SPTB: variants seen among roughly 807,000 people sequenced by gnomAD.
The protein encoded by SPTB is spectrin beta chain, erythrocytic.
SPTB carries 45 observed loss-of-function variants against 256.2 expected under a neutral mutation model. The ratio of observed to expected loss-of-function variants is 0.18; its 90% CI spans 0.14 to 0.23. SPTB has a LOEUF of 0.23. Among genes scored for constraint, SPTB ranks in the 10% least tolerant of loss-of-function variants. The pLI, the probability that SPTB is intolerant of heterozygous loss-of-function variation, is 1.00. For missense variants in SPTB, 2,715 were observed against 3,040.4 expected, an observed-to-expected ratio of 0.89 and a Z score of 2.52; for synonymous variants, 1,231 against 1,243.1, an observed-to-expected ratio of 0.99 and a Z score of 0.21.
At chr14:64,840,017 A>T (rs1236772687) in intron 1 of SPTB, among the ~76,000 whole-genome samples, 1 of 152,222 alleles carries the variant, frequency 6.6e-6, no homozygotes, top group Non-Finnish European at 1.5e-5. Flanking sequence ...ATCTCCTGCA[A>T]TTTCTCCCTG....
intron 29 of SPTB, among the ~76,000 whole-genome samples, chr14:64,768,689 T>C (rs1206492633): frequency 2.9e-5 from 3 of 104,116 alleles, no homozygotes; most frequent in Non-Finnish European, 4.4e-5. Flanking sequence ...CCTCAACCCC[T>C]CCCCCAGGCC....
At position 64,749,234 on chromosome 14, in the gene SPTB, G is replaced by A. The variant is rs1181088125; in HGVS notation, c.*72C>T. ...CTCGATTCGACCGGCGGGCGGCGGC[G>A]AGAGGAGGCCAAGGCCTGGGCTGCC... On this transcript the variant is annotated 3_prime_UTR_variant, in exon 36 of 36. Coordinates refer to ENST00000644917, the MANE Select transcript of SPTB (RefSeq NM_001355436.2). The surrounding 1 kb of genome is among the most constrained non-coding windows in gnomAD (Gnocchi z 4.7). The A allele has an allele frequency of 5.3e-6, 8 of 1,514,900 alleles. No individual in the cohort carries two copies. The highest frequency in any genetic ancestry group is 2.5e-5 in the East Asian group (1 of 40,458). 93.8% of individuals were successfully genotyped at this position (1,514,900 alleles called of 1,614,324 possible).
chr14:64,773,363 C>T lies in SPTB; in HGVS notation c.5035G>A (p.Ala1679Thr). The T allele has an allele frequency of 6.2e-7, 1 of 1,614,208 alleles. No individual in the cohort carries two copies. The highest frequency in any genetic ancestry group is 8.5e-7 in the Non-Finnish European group (1 of 1,180,038). The stretch of plus-strand genomic sequence containing the variant: ...TCCAGCTTGCGCTTGCGCTCTTCCG[C>T]CACGTCCTTCAGCCCTGCGTAGTGC... Reference protein sequence around the residue: ...DKHYAGLKDVAEERKRKLENM... With the variant: ...DKHYAGLKDVTEERKRKLENM... Residue 1679 changes from alanine (A) to threonine (T), a missense_variant, in exon 25 of 36, where the codon GCG becomes ACG. Around this residue, in one of 4 missense-constraint regions of SPTB, gnomAD observed 2,239 missense variants for 2,384.4 expected, o/e 0.94. Transcript: ENST00000644917.
In SPTB at chr14:64,825,458, G is replaced by A; in HGVS notation, c.-51-2313C>T. 7.0e-6 allele frequency among the ~76,000 whole-genome samples: 1 copy of A among 143,462 alleles called. No individual in the cohort carries two copies. The highest frequency in any genetic ancestry group is 2.6e-5 in the African/African-American group (1 of 38,316). The allele number at this position is 143,462 out of a possible 152,430, so 94.1% of individuals were successfully genotyped here. On this transcript the variant is annotated intron_variant, in intron 1 of 35. Coordinates refer to ENST00000644917, the MANE Select transcript of SPTB (RefSeq NM_001355436.2). This position sits in a 1 kb window ranked among gnomAD's most constrained non-coding sequence, Gnocchi z 4.8. Reference sequence around the variant, plus strand: ...CCGGGAAAGATACCCCCCACCCCCGGCCCCACACCTTTCTCTATTTCCCTT... The same window carrying A: ...CCGGGAAAGATACCCCCCACCCCCGACCCCACACCTTTCTCTATTTCCCTT...
chr14:64,779,744 C>G lies in SPTB; in HGVS notation c.4454G>C (p.Arg1485Pro), dbSNP rs140697785. ...ESSRAKLQIS[R>P]DLEDETLWVE... ...ACGCACCGTCTCATCCTCTAAGTCCCGGCTGATCTGCAGCTTGGCTCTGGA... is the reference window on the plus strand; with the variant it reads ...ACGCACCGTCTCATCCTCTAAGTCCGGGCTGATCTGCAGCTTGGCTCTGGA... Residue 1485 changes from arginine (R) to proline (P), a missense_variant, in exon 21 of 36, where the codon CGG becomes CCG. This residue lies in a region of SPTB where 2,239 missense variants were observed against 2,384.4 expected (regional missense o/e 0.94). Coordinates refer to ENST00000644917, the MANE Select transcript of SPTB (RefSeq NM_001355436.2). This position sits in a 1 kb window ranked among gnomAD's most constrained non-coding sequence, Gnocchi z 4.2. 8 of 1,613,994 alleles carry G rather than the reference C, an allele frequency of 5.0e-6. No individual in the cohort carries two copies. In the African/African-American group the frequency reaches 1.1e-4, roughly 22 times the overall value.
intron 1 of SPTB, among the ~76,000 whole-genome samples, chr14:64,857,118 A>T (rs1335006425): frequency 6.6e-6 from 1 of 152,188 alleles, no homozygotes; most frequent in Non-Finnish European, 1.5e-5. Context: ...TGTGACCGCA[A>T]TACACAAATT....
chr14:64,836,890 T>C (rs2083531244), intron 1 of SPTB, among the ~76,000 whole-genome samples: 1 of 152,184 alleles, frequency 6.6e-6, no homozygotes, highest in Non-Finnish European at 1.5e-5. Flanking sequence ...GGAAATATAA[T>C]ACATTACTCA....
At chr14:64,763,249 G>A (rs2082119591) in intron 32 of SPTB, among the ~76,000 whole-genome samples, 1 of 152,244 alleles carries the variant, frequency 6.6e-6, no homozygotes, top group South Asian at 2.1e-4. Context: ...AGCCCCAGGT[G>A]AAGGGGAGAT....
rs1594730174 is a variant in SPTB, at chr14:64,749,202, G to A, written c.*104C>T. 6.4e-6 allele frequency: 9 copies of A among 1,404,194 alleles called. No homozygotes were observed. The highest frequency in any genetic ancestry group is 5.0e-5 in the South Asian group (4 of 80,304). 87.0% of individuals were successfully genotyped at this position (1,404,194 alleles called of 1,614,324 possible). Reference sequence around the variant, plus strand: ...GGCCCGGGGGCCCGGCCCGCGACTCGACTCATCTCGATTCGACCGGCGGGC... The same window carrying A: ...GGCCCGGGGGCCCGGCCCGCGACTCAACTCATCTCGATTCGACCGGCGGGC... On this transcript the variant is annotated 3_prime_UTR_variant, in exon 36 of 36. Transcript: ENST00000644917. This position sits in a 1 kb window ranked among gnomAD's most constrained non-coding sequence, Gnocchi z 4.7.
chr14:64,747,343 G>T lies in SPTB; in HGVS notation c.*1963C>A, dbSNP rs1049344137. 1 of 152,698 alleles carries T rather than the reference G, an allele frequency of 6.5e-6. No individual in the cohort carries two copies. Among genetic ancestry groups the T allele is most frequent in the East Asian group, 1.9e-4 (1 of 5,202 alleles). 9.5% of individuals were successfully genotyped at this position (152,698 alleles called of 1,614,324 possible). A position where few individuals can be genotyped will look rare whatever the true frequency, so the allele number is the denominator to read the frequency against. ...AGGACATGCCTGCAAGTGCACCAAAGGCCTACTTTATTGCTAGGTGAGTGC... is the reference window on the plus strand; with the variant it reads ...AGGACATGCCTGCAAGTGCACCAAATGCCTACTTTATTGCTAGGTGAGTGC... On this transcript the variant is annotated 3_prime_UTR_variant, in exon 36 of 36. Coordinates refer to ENST00000644917, the MANE Select transcript of SPTB (RefSeq NM_001355436.2).
Position 64,790,932 on chromosome 14 carries a change from C to T in SPTB, c.2804+787G>A, listed in dbSNP as rs1403116716. Among the ~76,000 whole-genome samples the T allele has an allele frequency of 6.6e-6, 1 of 152,212 alleles. No individual in the cohort carries two copies. Among genetic ancestry groups the T allele is most frequent in the South Asian group, 2.1e-4 (1 of 4,836 alleles). Reference sequence around the variant, plus strand: ...CACAAAGCTTGCTTAAGGCTCCCTGCTAATTCTCCTCTTCCTTCAAGCCAG... The same window carrying T: ...CACAAAGCTTGCTTAAGGCTCCCTGTTAATTCTCCTCTTCCTTCAAGCCAG... On this transcript the variant is annotated intron_variant, in intron 15 of 35. Transcript: ENST00000644917. The surrounding 1 kb of genome is among the most constrained non-coding windows in gnomAD (Gnocchi z 4.8).
Position 64,787,254 on chromosome 14 carries a change from C to A in SPTB, c.2805-94G>T, listed in dbSNP as rs2082588897. 2.0e-6 allele frequency: 3 copies of A among 1,506,864 alleles called. No homozygotes were observed. The East Asian group carries it at 6.9e-5, about 35-fold the overall frequency. 93.3% of individuals were successfully genotyped at this position (1,506,864 alleles called of 1,614,324 possible). A position where few individuals can be genotyped will look rare whatever the true frequency, so the allele number is the denominator to read the frequency against. On this transcript the variant is annotated intron_variant, in intron 15 of 35. Coordinates refer to ENST00000644917, the MANE Select transcript of SPTB (RefSeq NM_001355436.2). ...CCCTGACCCCTTCCCACATTTCCCA[C>A]AAGTCTCCCCCCACAGACTTTGTAT... is the stretch of plus-strand genomic sequence containing the variant.
Position 64,853,243 on chromosome 14 carries a change from TAG to T in SPTB, c.-52+26547_-52+26548del, listed in dbSNP as rs2083814609. Among the ~76,000 whole-genome samples, 1 of 152,130 alleles carries T rather than the reference TAG, an allele frequency of 6.6e-6. No homozygotes were observed. The highest frequency in any genetic ancestry group is 6.5e-5 in the Admixed American group (1 of 15,284). ...TGAATGGCTGGAGACCAGAGAAATT[TAG>T]AGTCATTATCAGTAAATAGGTGGTA... is the stretch of plus-strand genomic sequence containing the variant. On this transcript the variant is annotated intron_variant, in intron 1 of 35. Transcript: ENST00000644917. The surrounding 1 kb of genome is among the most constrained non-coding windows in gnomAD (Gnocchi z 4.3).
chr14:64,774,344 C>T (rs980682577), intron 24 of SPTB, 53 bp downstream of exon 24: 2 of 1,550,588 alleles, frequency 1.3e-6, no homozygotes, highest in Admixed American at 1.9e-5. Flanking sequence ...GGCTGGTGGG[C>T]CCCTGGCTCA....
intron 2 of SPTB, among the ~76,000 whole-genome samples, chr14:64,808,451 G>A (rs2083026077): frequency 6.6e-6 from 1 of 152,262 alleles, no homozygotes; most frequent in South Asian, 2.1e-4. Context: ...TATTGGGACT[G>A]GGTGACCTGA....
Position 64,772,746 on chromosome 14 carries a change from G to A in SPTB, c.5387C>T (p.Ser1796Phe). 1 of 1,613,922 alleles carries A rather than the reference G, an allele frequency of 6.2e-7. No homozygotes were observed. The highest frequency in any genetic ancestry group is 8.5e-7 in the Non-Finnish European group (1 of 1,180,024). ...IDTRMQLLAA[S>F]YDLHRYFYTG... ...GTAGAAGTAGCGGTGCAGGTCATAGGAGGCGGCCAGCAGCTGCATGCGCGT... is the reference window on the plus strand; with the variant it reads ...GTAGAAGTAGCGGTGCAGGTCATAGAAGGCGGCCAGCAGCTGCATGCGCGT... Residue 1796 changes from serine (S) to phenylalanine (F), a missense_variant, in exon 26 of 36, where the codon TCC becomes TTC. Physicochemically the swap from Ser to Phe is radical, Grantham distance 155 (BLOSUM62 -2). Around this residue, in one of 4 missense-constraint regions of SPTB, gnomAD observed 2,239 missense variants for 2,384.4 expected, o/e 0.94. Coordinates refer to ENST00000644917, the MANE Select transcript of SPTB (RefSeq NM_001355436.2). This position sits in a 1 kb window ranked among gnomAD's most constrained non-coding sequence, Gnocchi z 5.4.
intron 15 of SPTB, 93 bp from the exon 16 acceptor site, chr14:64,787,253 A>C: frequency 1.3e-6 from 2 of 1,510,140 alleles, no homozygotes; most frequent in Non-Finnish European, 1.8e-6. Flanking sequence ...CACATTTCCC[A>C]CAAGTCTCCC....
rs2083373082 is a variant in SPTB at position 64,825,980 on chromosome 14, T to C, written c.-51-2835A>G. Among the ~76,000 whole-genome samples, 1 of 151,772 alleles carries C rather than the reference T, an allele frequency of 6.6e-6. No individual in the cohort carries two copies. The highest frequency in any genetic ancestry group is 2.4e-5 in the African/African-American group (1 of 41,024). The stretch of plus-strand genomic sequence containing the variant: ...GTCTAAATATACAGCTGGAGGGTTT[T>C]TGTTTTTGTTTTTGTTTTGGAAAGA... On this transcript the variant is annotated intron_variant, in intron 1 of 35. Coordinates refer to ENST00000644917, the MANE Select transcript of SPTB (RefSeq NM_001355436.2). This position sits in a 1 kb window ranked among gnomAD's most constrained non-coding sequence, Gnocchi z 4.8.
chr14:64,772,729 A>G lies in SPTB; in HGVS notation c.5404T>C (p.Tyr1802His). 1 of 1,613,828 alleles carries G rather than the reference A, an allele frequency of 6.2e-7. No homozygotes were observed. The highest frequency in any genetic ancestry group is 8.5e-7 in the Non-Finnish European group (1 of 1,179,970). The change falls in exon 26 of 36, where the codon TAC becomes CAC. Residue 1802 changes from tyrosine (Y) to histidine (H), a missense_variant. Tyr to His is a moderately conservative substitution (Grantham distance 83). Transcript: ENST00000644917. The surrounding 1 kb of genome is among the most constrained non-coding windows in gnomAD (Gnocchi z 5.4). The part of the protein sequence containing the change: ...LLAASYDLHR[Y>H]FYTGAEILGL... ...AGGATCTCGGCACCCGTGTAGAAGT[A>G]GCGGTGCAGGTCATAGGAGGCGGCC...
Sources: gnomAD v4.1 joint callset for allele counts (sites outside exome capture counted in the v4.1 genomes callset) on GRCh38, gnomAD v4.1.1 for gene constraint, gnomAD v4.1.1 regional missense constraint, Gnocchi (gnomAD v3.1) non-coding constraint, MANE v1.5 for transcripts, NCBI Gene and HGNC (gene_info 2026-07-23, HGNC 2026-07-21) for gene names.